The following TMEM135 variants were observed in gnomAD, a reference collection of about 807,000 sequenced individuals.
The protein encoded by TMEM135 is peroxisomal membrane protein 52.
In TMEM135, 30 loss-of-function variants were observed where a neutral mutation model predicts 60.3. The ratio of observed to expected loss-of-function variants is 0.50; its 90% confidence interval spans 0.37 to 0.68. TMEM135 has a LOEUF of 0.68. Among genes scored for constraint, TMEM135 ranks in the 30% least tolerant of loss-of-function variants. TMEM135 has a pLI of 0.00. For synonymous variants in TMEM135, 190 were observed against 186.7 expected (o/e 1.02, Z -0.14); for missense variants, 468 against 548.8 (o/e 0.85, Z 1.47).
intron 6 of TMEM135, among the ~76,000 whole-genome samples, chr11:87,269,679 G>C (rs301599): frequency 6.7e-6 from 1 of 149,854 alleles, no homozygotes; most frequent in African/African-American, 2.5e-5. Flanking sequence ...TGAACTCATC[G>C]TTTTTTATGG....
intron 5 of TMEM135, among the ~76,000 whole-genome samples, chr11:87,173,735 T>C (rs1467568825): frequency 6.6e-6 from 1 of 152,188 alleles, no homozygotes; most frequent in East Asian, 1.9e-4. Flanking sequence ...TATAACAGTG[T>C]GTGAACTGGT....
chr11:87,059,228 GA>G (rs1315539045), intron 1 of TMEM135, among the ~76,000 whole-genome samples: 1 of 150,990 alleles, frequency 6.6e-6, no homozygotes. Flanking sequence ...GCGCCCAGCC[GA>G]AAAATTTTTA....
In TMEM135 at chr11:87,195,314, T is replaced by TTCC. The variant is rs1939910700; in HGVS notation, c.462+37909_462+37910insCCT. Among the ~76,000 whole-genome samples the TTCC allele has an allele frequency of 1.3e-3, 86 of 65,722 alleles. 4 individuals are homozygous for TTCC. The highest frequency in any genetic ancestry group is 3.8e-3 in the African/African-American group (62 of 16,514). The allele number at this position is 65,722 out of a possible 152,430, so 43.1% of individuals were successfully genotyped here. ...AAAAGTCATTTTCTCTTTCTTTCTC[T>TTCC]TTCCTTCCTTCCTTCCTTCCTTCCT... On this transcript the variant is annotated intron_variant, in intron 5 of 14. Transcript: ENST00000305494.
intron 12 of TMEM135, among the ~76,000 whole-genome samples, chr11:87,315,117 C>T (rs1296171220): frequency 6.6e-6 from 1 of 151,382 alleles, no homozygotes; most frequent in African/African-American, 2.4e-5. Context: ...ATAATAGTTA[C>T]CCCCCTACTA....
intron 5 of TMEM135, chr11:87,157,714 G>T: frequency 3.4e-6 from 1 of 293,936 alleles, no homozygotes; most frequent in South Asian, 3.8e-5. Flanking sequence ...CTTAGCTTTT[G>T]CTTTCTTTCT....
chr11:87,045,108 C>T (rs983477534), intron 1 of TMEM135, among the ~76,000 whole-genome samples: 1 of 152,016 alleles, frequency 6.6e-6, no homozygotes, highest in African/African-American at 2.4e-5. Flanking sequence ...AGGCTTACTG[C>T]AAGCTGCGCC....
intron 6 of TMEM135, among the ~76,000 whole-genome samples, chr11:87,290,411 A>G (rs1219511300): frequency 6.6e-6 from 1 of 152,180 alleles, no homozygotes; most frequent in African/African-American, 2.4e-5. Flanking sequence ...ATGTGTTTTT[A>G]GAGGAAAACC....
chr11:87,180,520 A>G (rs888397171), intron 5 of TMEM135, among the ~76,000 whole-genome samples: 1 of 152,112 alleles, frequency 6.6e-6, no homozygotes, highest in African/African-American at 2.4e-5. Context: ...AGAGAAAAAG[A>G]TGACCTAAAT....
chr11:87,202,894 G>A (rs564217987), intron 5 of TMEM135, among the ~76,000 whole-genome samples: 69 of 151,716 alleles, frequency 4.5e-4, no homozygotes, highest in Non-Finnish European at 9.4e-4. Context: ...TTAGCTGGGC[G>A]TGGTGGCTGG....
chr11:87,109,060 G>T (rs552691879), intron 4 of TMEM135, among the ~76,000 whole-genome samples: 1 of 152,144 alleles, frequency 6.6e-6, no homozygotes, highest in South Asian at 2.1e-4. Context: ...TGAAGGGATT[G>T]GGTGAGAGAG....
rs747288552 is a variant in TMEM135 at position 87,236,627 on chromosome 11, C to T, written c.463-11C>T. 6.8e-6 allele frequency: 11 copies of T among 1,611,742 alleles called. No individual in the cohort carries two copies. Among genetic ancestry groups the T allele is most frequent in the South Asian group, 4.4e-5 (4 of 91,034 alleles). ...TTCTTTTGCAAGTAATATATTTTCT[C>T]TTTGTTACAGGTCCTTTTGTTTTGC... On this transcript the variant is annotated splice_polypyrimidine_tract_variant and intron_variant, in intron 5 of 14. Coordinates refer to ENST00000305494, the MANE Select transcript of TMEM135 (RefSeq NM_022918.4).
chr11:87,060,332 A>G (rs1477321976), intron 1 of TMEM135, among the ~76,000 whole-genome samples: 1 of 151,944 alleles, frequency 6.6e-6, no homozygotes, highest in Non-Finnish European at 1.5e-5. Flanking sequence ...TGGGTGCCTT[A>G]TTTAGTCTTT....
chr11:87,210,597 C>G (rs1383647081), intron 5 of TMEM135, among the ~76,000 whole-genome samples: 2 of 152,036 alleles, frequency 1.3e-5, no homozygotes, highest in African/African-American at 4.8e-5. Context: ...CAAAGAAATG[C>G]TACTACTAAT....
At chr11:87,141,828 T>A (rs1938270998) in intron 4 of TMEM135, among the ~76,000 whole-genome samples, 1 of 152,046 alleles carries the variant, frequency 6.6e-6, no homozygotes, top group Non-Finnish European at 1.5e-5. Context: ...CATTTAAAAT[T>A]AAAAAAATTT....
intron 6 of TMEM135, among the ~76,000 whole-genome samples, chr11:87,246,219 C>A (rs1214028381): frequency 1.4e-5 from 2 of 146,976 alleles, no homozygotes; most frequent in African/African-American, 5.1e-5. Flanking sequence ...GCCAAGAGAT[C>A]CGCTGTTAGT....
chr11:87,154,489 C>T (rs576719111), intron 4 of TMEM135, among the ~76,000 whole-genome samples: 2 of 152,224 alleles, frequency 1.3e-5, no homozygotes, highest in African/African-American at 4.8e-5. Flanking sequence ...TGGATATATA[C>T]CCAGAAGCAG....
intron 3 of TMEM135, among the ~76,000 whole-genome samples, 198 bp from the exon 4 acceptor site, chr11:87,091,164 C>T (rs1252730176): frequency 6.6e-6 from 1 of 151,870 alleles, no homozygotes; most frequent in Non-Finnish European, 1.5e-5. Context: ...AAACAAGTGA[C>T]TTTATGGAAT....
chr11:87,220,159 A>AGG (rs1379493567), intron 5 of TMEM135, among the ~76,000 whole-genome samples: 7 of 152,184 alleles, frequency 4.6e-5, no homozygotes, highest in Non-Finnish European at 1.0e-4. Context: ...ATTAAGATGA[A>AGG]GGAATGTATG....
intron 4 of TMEM135, among the ~76,000 whole-genome samples, chr11:87,105,480 C>T (rs1338903038): frequency 1.3e-5 from 2 of 152,076 alleles, no homozygotes; most frequent in Non-Finnish European, 1.5e-5. Flanking sequence ...TTGTCTTTCA[C>T]GAATCCGTTT....
Sources: gnomAD v4.1 joint callset for allele counts (sites outside exome capture counted in the v4.1 genomes callset) on GRCh38, gnomAD v4.1.1 for gene constraint, MANE v1.5 for transcripts, NCBI Gene and HGNC (gene_info 2026-07-23, HGNC 2026-07-21) for gene names.